The following CADM2 variants were observed in gnomAD, a reference collection of about 807,000 sequenced individuals.
CADM2 encodes cell adhesion molecule 2.
CADM2 carries 12 observed loss-of-function variants against 49.8 expected under a neutral mutation model. The observed-to-expected ratio is 0.24, with a 90% CI of 0.15 to 0.39. The LOEUF (loss-of-function observed/expected upper bound fraction) is 0.39. Ranked by LOEUF, CADM2 falls within the 10% of genes least tolerant of loss-of-function variation. The pLI, the probability that CADM2 is intolerant of heterozygous loss-of-function variation, is 1.00. For synonymous variants in CADM2, 214 were observed against 175.4 expected, an observed-to-expected ratio of 1.22 and a Z score of -1.74; for missense variants, 378 against 492.3, an observed-to-expected ratio of 0.77 and a Z score of 2.20.
intron 1 of CADM2, among the ~76,000 whole-genome samples, chr3:85,005,993 C>T (rs1480248138): frequency 6.6e-6 from 1 of 152,062 alleles, no homozygotes; most frequent in African/African-American, 2.4e-5. Context: ...AGAGAATGCT[C>T]TCCTACTACT....
chr3:85,775,846 T>C (rs535934800), intron 2 of CADM2, among the ~76,000 whole-genome samples: 1 of 151,978 alleles, frequency 6.6e-6, no homozygotes, highest in Non-Finnish European at 1.5e-5. Context: ...TGTCCACATG[T>C]TATTAGGTAC....
chr3:85,728,873 A>G (rs959478877), intron 2 of CADM2, among the ~76,000 whole-genome samples: 1 of 152,184 alleles, frequency 6.6e-6, no homozygotes, highest in Non-Finnish European at 1.5e-5. Flanking sequence ...TTAGGTTAAA[A>G]CAGAGTTCAT....
chr3:85,696,033 A>AT (rs2066545353), intron 1 of CADM2, among the ~76,000 whole-genome samples: 1 of 151,916 alleles, frequency 6.6e-6, no homozygotes, highest in African/African-American at 2.4e-5. Flanking sequence ...AATGTTTAGC[A>AT]TTTTTCATAT....
At chr3:85,692,966 A>G (rs1238911508) in intron 1 of CADM2, among the ~76,000 whole-genome samples, 2 of 152,052 alleles carry the variant, frequency 1.3e-5, no homozygotes, top group Non-Finnish European at 2.9e-5. Flanking sequence ...GGAGTGGTTC[A>G]TGCCTGTAAT....
At chr3:84,986,415 A>G (rs1479488038) in intron 1 of CADM2, among the ~76,000 whole-genome samples, 1 of 152,140 alleles carries the variant, frequency 6.6e-6, no homozygotes, top group East Asian at 1.9e-4. Flanking sequence ...GGGGAATGCA[A>G]TTCTCAAATG....
chr3:85,428,641 G>T (rs1429231786), intron 1 of CADM2, among the ~76,000 whole-genome samples: 1 of 142,468 alleles, frequency 7.0e-6, no homozygotes, highest in East Asian at 2.0e-4. Context: ...AAAAATATAA[G>T]AATTATATAA....
At position 86,066,852 on chromosome 3, in the gene CADM2, G is replaced by T; in HGVS notation, c.*69G>T. 9.3e-7 allele frequency: 1 copy of T among 1,073,014 alleles called. No homozygotes were observed. Among genetic ancestry groups the T allele is most frequent in the South Asian group, 1.3e-5 (1 of 79,150 alleles). 66.5% of individuals were successfully genotyped at this position (1,073,014 alleles called of 1,614,324 possible). A position where few individuals can be genotyped will look rare whatever the true frequency, so the allele number is the denominator to read the frequency against. On this transcript the variant is annotated 3_prime_UTR_variant, in exon 10 of 10. Coordinates refer to ENST00000383699, the MANE Select transcript of CADM2 (RefSeq NM_001167675.2). ...GGAGAAAACTGGCTATCATCTTTCA[G>T]AAGTCATTTCTACCATCGTCTGCTA...
In CADM2 at chr3:85,507,498, G is replaced by A. The variant is rs190447549; in HGVS notation, c.62-219024G>A. Among the ~76,000 whole-genome samples, 141 of 151,852 alleles carry A rather than the reference G, an allele frequency of 9.3e-4. 2 individuals are homozygous for A. Among genetic ancestry groups the A allele is most frequent in the African/African-American group, 3.2e-3 (132 of 41,470 alleles). On this transcript the variant is annotated intron_variant, in intron 1 of 9. Transcript: ENST00000383699. ...GCCACCATGCCCGGCCTTTTTAAACGACAACAAAAAAATACATTATATCTT... is the reference window on the plus strand; with the variant it reads ...GCCACCATGCCCGGCCTTTTTAAACAACAACAAAAAAATACATTATATCTT...
intron 7 of CADM2, among the ~76,000 whole-genome samples, chr3:85,956,311 T>A (rs898343030): frequency 6.6e-6 from 1 of 151,654 alleles, no homozygotes; most frequent in African/African-American, 2.4e-5. Flanking sequence ...CATTTCTGGG[T>A]TCCAATTAGA....
intron 8 of CADM2, among the ~76,000 whole-genome samples, chr3:85,983,750 T>C (rs1577861106): frequency 6.6e-6 from 1 of 151,678 alleles, no homozygotes; most frequent in African/African-American, 2.4e-5. Context: ...AGATGAAAAT[T>C]ATACTAGAGC....
intron 1 of CADM2, among the ~76,000 whole-genome samples, chr3:85,586,424 TAATGAA>T (rs991670633): frequency 1.6e-4 from 24 of 152,240 alleles, no homozygotes; most frequent in African/African-American, 5.5e-4. Context: ...CTATTTCTGG[TAATGAA>T]AATGTGGATG....
chr3:85,623,596 A>G (rs2064036589), intron 1 of CADM2, among the ~76,000 whole-genome samples: 1 of 152,152 alleles, frequency 6.6e-6, no homozygotes, highest in South Asian at 2.1e-4. Flanking sequence ...AGAATCAGAG[A>G]GCAAGTGTTA....
intron 3 of CADM2, among the ~76,000 whole-genome samples, chr3:85,817,870 C>T (rs142006728): frequency 4.3e-4 from 66 of 151,902 alleles, no homozygotes; most frequent in African/African-American, 1.5e-3. Context: ...TGAAAGGCCA[C>T]CTTATCTCAT....
At chr3:85,610,649 T>G (rs1277848986) in intron 1 of CADM2, among the ~76,000 whole-genome samples, 1 of 151,966 alleles carries the variant, frequency 6.6e-6, no homozygotes, top group Non-Finnish European at 1.5e-5. Flanking sequence ...TAATTGAGAT[T>G]AAACTCAAAT....
chr3:85,307,268 A>G (rs1324973694), intron 1 of CADM2, among the ~76,000 whole-genome samples: 2 of 151,626 alleles, frequency 1.3e-5, no homozygotes, highest in Non-Finnish European at 3.0e-5. Flanking sequence ...ATGCTTGGTC[A>G]TATTCTTAAA....
intron 1 of CADM2, among the ~76,000 whole-genome samples, chr3:85,676,170 A>G (rs1360366199): frequency 6.6e-6 from 1 of 152,178 alleles, no homozygotes; most frequent in African/African-American, 2.4e-5. Flanking sequence ...GTTGAAACAG[A>G]GCCCATTAAT....
At chr3:85,802,291 T>C in intron 3 of CADM2, 95 bp downstream of exon 3, 4 of 1,093,592 alleles carry the variant, frequency 3.7e-6, no homozygotes, top group Non-Finnish European at 5.0e-6. Flanking sequence ...CTATTCCTTT[T>C]GATTACCAAA....
intron 1 of CADM2, among the ~76,000 whole-genome samples, chr3:85,697,098 CCATATATATATATGG>C (rs201856046): frequency 0.055 from 7,837 of 142,606 alleles, 301 homozygotes; most frequent in Middle Eastern, 0.093. Context: ...TATATATATG[CCATATATATATATGG>C]CATATATATA....
At chr3:85,961,247 T>C (rs1179059496) in intron 7 of CADM2, among the ~76,000 whole-genome samples, 1 of 151,598 alleles carries the variant, frequency 6.6e-6, no homozygotes, top group Non-Finnish European at 1.5e-5. Flanking sequence ...AATTAGTCTC[T>C]GAATACATAT....
Sources: gnomAD v4.1 joint callset for allele counts (sites outside exome capture counted in the v4.1 genomes callset) on GRCh38, gnomAD v4.1.1 for gene constraint, MANE v1.5 for transcripts, NCBI Gene and HGNC (gene_info 2026-07-23, HGNC 2026-07-21) for gene names.